PARD3: variants seen among roughly 807,000 people sequenced by gnomAD.
PARD3 encodes the protein par-3 family cell polarity regulator, also known as partitioning defective 3 homolog.
A neutral mutation model predicts 155.4 loss-of-function variants in PARD3; 75 were observed. The ratio of observed to expected loss-of-function variants is 0.48; its 90% CI spans 0.40 to 0.58. PARD3 has a LOEUF of 0.58. Ranked by LOEUF, PARD3 falls within the 20% of genes least tolerant of loss-of-function variation. PARD3 has a pLI of 0.00. For synonymous variants in PARD3, 576 were observed against 610.5 expected, an observed-to-expected ratio of 0.94 and a Z score of 0.83; for missense variants, 1,642 against 1,721.7, an observed-to-expected ratio of 0.95 and a Z score of 0.82.
At chr10:34,787,938 T>C (rs1841181743) in intron 1 of PARD3, among the ~76,000 whole-genome samples, 1 of 151,482 alleles carries the variant, frequency 6.6e-6, no homozygotes, top group Non-Finnish European at 1.5e-5. Flanking sequence ...ACAACCACCA[T>C]GCCCAGCTAA....
chr10:34,628,981 T>C (rs1044590198), intron 2 of PARD3, among the ~76,000 whole-genome samples: 4 of 152,172 alleles, frequency 2.6e-5, no homozygotes, highest in Non-Finnish European at 5.9e-5. Flanking sequence ...GGCCTATAAA[T>C]GGGTAAAAGA....
chr10:34,567,654 T>TA (rs374382402), intron 2 of PARD3, among the ~76,000 whole-genome samples: 25 of 152,324 alleles, frequency 1.6e-4, no homozygotes, highest in Non-Finnish European at 2.9e-4. Flanking sequence ...AAACATCAGT[T>TA]ATGCACTTTG....
chr10:34,201,112 G>T (rs1951189501), intron 22 of PARD3, among the ~76,000 whole-genome samples: 1 of 152,112 alleles, frequency 6.6e-6, no homozygotes, highest in African/African-American at 2.4e-5. Flanking sequence ...GACAGAACTG[G>T]GTTCCAATCC....
chr10:34,615,169 G>A (rs994331904), intron 2 of PARD3, among the ~76,000 whole-genome samples: 3 of 152,028 alleles, frequency 2.0e-5, no homozygotes, highest in African/African-American at 7.2e-5. Context: ...CAGCCTGGGT[G>A]GCAGAGTGAG....
At chr10:34,259,220 C>T (rs774986606) in intron 22 of PARD3, among the ~76,000 whole-genome samples, 16 of 152,100 alleles carry the variant, frequency 1.1e-4, no homozygotes, top group Admixed American at 3.3e-4. Flanking sequence ...AACAAATACA[C>T]GATGGGTACT....
At chr10:34,238,120 G>A (rs1265426311) in intron 22 of PARD3, among the ~76,000 whole-genome samples, 1 of 152,190 alleles carries the variant, frequency 6.6e-6, no homozygotes, top group Non-Finnish European at 1.5e-5. Context: ...TGCATATTCA[G>A]ATGTTTCCCA....
chr10:34,521,728 C>A (rs1271244880), intron 2 of PARD3, among the ~76,000 whole-genome samples: 1 of 152,148 alleles, frequency 6.6e-6, no homozygotes, highest in African/African-American at 2.4e-5. Flanking sequence ...AACATCAGAA[C>A]CCCCCAACAG....
intron 1 of PARD3, among the ~76,000 whole-genome samples, chr10:34,779,283 G>T (rs779846286): frequency 6.6e-6 from 1 of 151,306 alleles, no homozygotes; most frequent in Non-Finnish European, 1.5e-5. Context: ...TCCAGCCTGG[G>T]TGAAAGAGCT....
At position 34,553,429 on chromosome 10, in the gene PARD3, G is replaced by A. The variant is rs199817993; in HGVS notation, c.223-36270C>T. Among the ~76,000 whole-genome samples the A allele has an allele frequency of 2.6e-5, 4 of 152,246 alleles. No individual in the cohort carries two copies. In the East Asian group the frequency reaches 7.7e-4, roughly 29 times the overall value. On this transcript the variant is annotated intron_variant, in intron 2 of 24. Transcript: ENST00000374788. ...AGTCTTTTATTAATAACAAACAATA[G>A]AAATTGCATGACCAAGTGGAGGAAT...
intron 3 of PARD3, among the ~76,000 whole-genome samples, chr10:34,505,639 G>A (rs1469531073): frequency 1.3e-5 from 2 of 152,130 alleles, no homozygotes; most frequent in Non-Finnish European, 2.9e-5. Flanking sequence ...ATGAATGCCA[G>A]GCCAATGTCT....
intron 22 of PARD3, among the ~76,000 whole-genome samples, chr10:34,137,237 T>C (rs1383346632): frequency 6.6e-6 from 1 of 152,228 alleles, no homozygotes; most frequent in East Asian, 1.9e-4. Context: ...GATCACGCAG[T>C]GTTTGTGGTT....
intron 1 of PARD3, among the ~76,000 whole-genome samples, chr10:34,762,879 TATA>T (rs1334530163): frequency 6.6e-6 from 1 of 152,140 alleles, no homozygotes; most frequent in East Asian, 1.9e-4. Flanking sequence ...ACTTTGCAAA[TATA>T]ATACACACCT....
intron 1 of PARD3, among the ~76,000 whole-genome samples, chr10:34,779,396 A>G (rs7900655): frequency 0.074 from 11,223 of 152,044 alleles, 1,400 homozygotes; most frequent in African/African-American, 0.26. Context: ...AGATCACGAC[A>G]TCAGGCGATC....
chr10:34,696,296 G>T, intron 2 of PARD3, 22 bp downstream of exon 2: 1 of 1,445,910 alleles, frequency 6.9e-7, no homozygotes, highest in Non-Finnish European at 9.7e-7. Flanking sequence ...TTCAGAACAG[G>T]TTCCCCAGGA....
At chr10:34,761,786 TCTA>T (rs1385476124) in intron 1 of PARD3, among the ~76,000 whole-genome samples, 3 of 152,162 alleles carry the variant, frequency 2.0e-5, no homozygotes, top group Admixed American at 2.0e-4. Flanking sequence ...GCTATGGTGT[TCTA>T]CTTAAGAAAA....
At chr10:34,153,335 T>C (rs919846578) in intron 22 of PARD3, among the ~76,000 whole-genome samples, 2 of 152,182 alleles carry the variant, frequency 1.3e-5, no homozygotes, top group Non-Finnish European at 2.9e-5. Context: ...ATCTGTGTCA[T>C]ATTTGAATTA....
At chr10:34,420,121 T>G (rs1170792294) in intron 5 of PARD3, among the ~76,000 whole-genome samples, 4 of 152,182 alleles carry the variant, frequency 2.6e-5, no homozygotes, top group Non-Finnish European at 1.5e-5. Flanking sequence ...TCGTCTGATA[T>G]TTTTAAAATT....
intron 2 of PARD3, among the ~76,000 whole-genome samples, chr10:34,612,323 C>T (rs1437628813): frequency 1.3e-5 from 2 of 151,960 alleles, no homozygotes; most frequent in East Asian, 3.8e-4. Flanking sequence ...TCCAAATATA[C>T]CACCAAAATA....
chr10:34,748,596 C>T (rs960955617), intron 1 of PARD3, among the ~76,000 whole-genome samples: 1 of 152,132 alleles, frequency 6.6e-6, no homozygotes, highest in African/African-American at 2.4e-5. Context: ...CAGACTTGCC[C>T]TGAAGTCTGG....
Sources: allele counts gnomAD v4.1 joint callset (sites outside exome capture counted in the v4.1 genomes callset), GRCh38; gene constraint gnomAD v4.1.1; transcripts MANE v1.5; gene names NCBI Gene and HGNC (gene_info 2026-07-23, HGNC 2026-07-21).